The following ZDHHC11 variants were observed in gnomAD, a reference collection of about 807,000 sequenced individuals.
ZDHHC11 encodes the protein zDHHC palmitoyltransferase 11, also known as palmitoyltransferase ZDHHC11.
Under a neutral mutation model 51.3 loss-of-function variants are expected in ZDHHC11, and 44 were observed. The ratio of observed to expected loss-of-function variants is 0.86; its 90% confidence interval spans 0.67 to 1.10. The LOEUF is 1.10. Ranked by LOEUF, ZDHHC11 falls within the 50% of genes least tolerant of loss-of-function variation. ZDHHC11 has a pLI of 0.00. For synonymous variants in ZDHHC11, 163 were observed against 222.0 expected (o/e 0.73, Z 2.36); for missense variants, 400 against 537.7 (o/e 0.74, Z 2.53).
At chr5:860,148 G>C (rs1748716076), upstream of ZDHHC11, among the ~76,000 whole-genome samples, 1 of 152,210 alleles carries the variant, frequency 6.6e-6, no homozygotes. This position sits in a 1 kb window ranked among gnomAD's most constrained non-coding sequence, Gnocchi z 4.2. Flanking sequence ...AGCTGGGCTG[G>C]GGCGGGTGCC....
rs1254899872 is a variant in ZDHHC11 at position 808,852 on chromosome 5, T to C, written c.1181+5909A>G. ...AGCTGGGAGTACAGGTGCCTGCCAC[T>C]ACGCCTGGCTAATCCTTTTGTATTT... On this transcript the variant is annotated intron_variant, in intron 11 of 12. Coordinates refer to ENST00000283441, the MANE Select transcript of ZDHHC11 (RefSeq NM_024786.3). Among the ~76,000 whole-genome samples the C allele has an allele frequency of 4.7e-3, 688 of 146,226 alleles. 5 individuals are homozygous for C. Among genetic ancestry groups the C allele is most frequent in the African/African-American group, 0.016 (650 of 40,278 alleles).
At chr5:799,979 T>C (rs550798044) in intron 12 of ZDHHC11, among the ~76,000 whole-genome samples, 1 of 151,456 alleles carries the variant, frequency 6.6e-6, no homozygotes, top group African/African-American at 2.4e-5. Context: ...CTTTTTTTTC[T>C]AGAGAACAAT....
intron 7 of ZDHHC11, among the ~76,000 whole-genome samples, chr5:825,498 C>G (rs1242419623): frequency 2.2e-4 from 34 of 152,142 alleles, no homozygotes; most frequent in African/African-American, 7.5e-4. Flanking sequence ...AAAGCAGTCC[C>G]TCCACCCACC....
rs1057005 is a variant in ZDHHC11 at position 795,877 on chromosome 5, C to T, written c.*711G>A. On this transcript the variant is annotated 3_prime_UTR_variant, in exon 13 of 13. Coordinates refer to ENST00000283441, the MANE Select transcript of ZDHHC11 (RefSeq NM_024786.3). The stretch of plus-strand genomic sequence containing the variant: ...CCATTTCCGAGTACTGTGAACTCCC[C>T]TTTCCCAGTACTGTGGGCTCCCATT... 2 of 81,662 alleles carry T rather than the reference C, an allele frequency of 2.4e-5. No individual in the cohort carries two copies. Among genetic ancestry groups the T allele is most frequent in the Non-Finnish European group, 5.7e-5 (2 of 35,008 alleles). The allele number at this position is 81,662 out of a possible 1,614,324, so 5.1% of individuals were successfully genotyped here. A position where few individuals can be genotyped will look rare whatever the true frequency, so the allele number is the denominator to read the frequency against.
In ZDHHC11 at chr5:843,639, C is replaced by T. The variant is rs371035335; in HGVS notation, c.589G>A (p.Val197Met). Reference sequence around the variant, plus strand: ...TCCGTGCGGAGCACCCCGGGGTTCACGAGGTACTGGACGAGGACATACAGC... The same window carrying T: ...TCCGTGCGGAGCACCCCGGGGTTCATGAGGTACTGGACGAGGACATACAGC... ...ILLYVLVQYL[V>M]NPGVLRTDPR... The change falls in exon 4 of 13, where the codon GTG becomes ATG. Residue 197 changes from valine to methionine, a missense_variant. Around this residue, in one of 5 missense-constraint regions of ZDHHC11, gnomAD observed 26 missense variants for 47.1 expected, o/e 0.55. Coordinates refer to ENST00000283441, the MANE Select transcript of ZDHHC11 (RefSeq NM_024786.3). The T allele has an allele frequency of 5.1e-5, 82 of 1,607,780 alleles. 1 individual carries two copies. The highest frequency in any genetic ancestry group is 2.7e-4 in the Admixed American group (16 of 59,810).
In ZDHHC11 at chr5:807,074, A is replaced by T. The variant is rs561267920; in HGVS notation, c.1182-5910T>A. Among the ~76,000 whole-genome samples the T allele has an allele frequency of 4.9e-3, 732 of 150,864 alleles. 1 individual carries two copies. Among genetic ancestry groups the T allele is most frequent in the African/African-American group, 0.017 (696 of 41,022 alleles). On this transcript the variant is annotated intron_variant, in intron 11 of 12. Coordinates refer to ENST00000283441, the MANE Select transcript of ZDHHC11 (RefSeq NM_024786.3). ...TAGCAAAAAACTGGAAGCCATCTCC[A>T]TGCCCAACCATAGCAGAGGGGGTAA...
rs963461836 is a variant in ZDHHC11 at position 858,545 on chromosome 5, G to A, written c.-1+329C>T. Among the ~76,000 whole-genome samples, 5 of 152,170 alleles carry A rather than the reference G, an allele frequency of 3.3e-5. 1 individual carries two copies. In the South Asian group the frequency reaches 8.3e-4, roughly 25 times the overall value. On this transcript the variant is annotated intron_variant, in intron 1 of 3. Transcript: ENST00000685990. ...TGTGGTCCCTGAGTCTGTCCTCACC[G>A]TCCCTGCCCTTATGACACTCTGGCA...
chr5:806,913 G>A (rs1739342495), intron 11 of ZDHHC11, among the ~76,000 whole-genome samples: 1 of 151,062 alleles, frequency 6.6e-6, no homozygotes, highest in Non-Finnish European at 1.5e-5. Context: ...TGTAACATGT[G>A]CAACACCTTT....
At chr5:803,800 G>C (rs529697043) in intron 11 of ZDHHC11, among the ~76,000 whole-genome samples, 1 of 150,564 alleles carries the variant, frequency 6.6e-6, no homozygotes. Context: ...AGTAGAGATA[G>C]AAATTATATA....
At chr5:841,975 C>T in intron 4 of ZDHHC11, 6 of 989,162 alleles carry the variant, frequency 6.1e-6, no homozygotes, top group Non-Finnish European at 7.2e-6. Flanking sequence ...TGTGCCTGGG[C>T]CGGGCTGGAC....
rs560719622 is a variant in ZDHHC11 at position 819,212 on chromosome 5, C to G, written c.1146+313G>C. ...TCCTTTATCACGGCACTGTCCCTCACTGCATGTTCTGGGCACTTCAGAGCC... is the reference window on the plus strand; with the variant it reads ...TCCTTTATCACGGCACTGTCCCTCAGTGCATGTTCTGGGCACTTCAGAGCC... On this transcript the variant is annotated intron_variant, in intron 10 of 12. Transcript: ENST00000283441. Among the ~76,000 whole-genome samples, 628 of 151,522 alleles carry G rather than the reference C, an allele frequency of 4.1e-3. 9 individuals carry two copies. Among genetic ancestry groups the G allele is most frequent in the African/African-American group, 0.015 (606 of 41,168 alleles).
intron 3 of ZDHHC11, 76 bp downstream of exon 3, chr5:847,413 ACCCTCCACCCTTTCAACACGATGAC>A (rs1746425446): frequency 6.5e-7 from 1 of 1,531,020 alleles, no homozygotes; most frequent in African/African-American, 1.5e-5. Flanking sequence ...CCCCAAGAGG[ACCCTCCACCCTTTCAACACGATGAC>A]CCCTGCCCAC....
chr5:849,092 G>A lies in ZDHHC11; in HGVS notation c.223-432C>T, dbSNP rs148066652. Among the ~76,000 whole-genome samples the A allele has an allele frequency of 7.6e-3, 1,147 of 151,286 alleles. 17 individuals are homozygous for A. Among genetic ancestry groups the A allele is most frequent in the African/African-American group, 0.026 (1,075 of 41,218 alleles). On this transcript the variant is annotated intron_variant, in intron 1 of 12. Coordinates refer to ENST00000283441, the MANE Select transcript of ZDHHC11 (RefSeq NM_024786.3). Reference sequence around the variant, plus strand: ...CAGCCCTGCTCACCCAGATCTAGAGGAGATGAGTCCACCCGTCGGCCCTGC... The same window carrying A: ...CAGCCCTGCTCACCCAGATCTAGAGAAGATGAGTCCACCCGTCGGCCCTGC...
At chr5:829,036 TC>T (rs533420336) in intron 7 of ZDHHC11, among the ~76,000 whole-genome samples, 259 of 130,980 alleles carry the variant, frequency 2.0e-3, no homozygotes, top group Middle Eastern at 3.6e-3. Context: ...AATGGCCACA[TC>T]AAAAAGACTG....
At chr5:837,216 C>G (rs1743997006) in intron 6 of ZDHHC11, 149 bp downstream of exon 6, 1 of 858,512 alleles carries the variant, frequency 1.2e-6, no homozygotes. Context: ...CACCCATGCA[C>G]AGAGCCTCAC....
intron 12 of ZDHHC11, among the ~76,000 whole-genome samples, chr5:798,478 G>A (rs1737918801): frequency 6.6e-6 from 1 of 150,998 alleles, no homozygotes; most frequent in East Asian, 2.0e-4. Context: ...TAAGTGACTT[G>A]CCACATGACT....
chr5:850,027 G>C (rs903066244), intron 1 of ZDHHC11, among the ~76,000 whole-genome samples: 2 of 152,250 alleles, frequency 1.3e-5, no homozygotes, highest in African/African-American at 4.8e-5. Flanking sequence ...GTTCCTCCTT[G>C]GCACCAGGGG....
In ZDHHC11 at chr5:846,903, T is replaced by TG. The variant is rs1561299638; in HGVS notation, c.503+610_503+611insC. 1.4e-4 allele frequency among the ~76,000 whole-genome samples: 7 copies of TG among 49,210 alleles called. No individual in the cohort carries two copies. The African/African-American group carries it at 1.7e-3, about 12-fold the overall frequency. The allele number at this position is 49,210 out of a possible 152,430, so 32.3% of individuals were successfully genotyped here. A position where few individuals can be genotyped will look rare whatever the true frequency, so the allele number is the denominator to read the frequency against. On this transcript the variant is annotated intron_variant, in intron 3 of 12. Transcript: ENST00000283441. ...TCCTCAGTGGAAACACCTCTCATCC[T>TG]TGCGCCTCCACCGTGCTCAGGGGAA...
rs200154117 is a variant in ZDHHC11 at position 797,847 on chromosome 5, T to C, written c.*8-1267A>G. On this transcript the variant is annotated intron_variant, in intron 12 of 12. Coordinates refer to ENST00000283441, the MANE Select transcript of ZDHHC11 (RefSeq NM_024786.3). ...GCTTCTTTGCTTTGTAGTTTTATTT[T>C]TGAGAAATCTTTGAGGCTTAGGATG... 3.6e-5 allele frequency among the ~76,000 whole-genome samples: 5 copies of C among 138,650 alleles called. No homozygotes were observed. In the East Asian group the frequency reaches 8.3e-4, roughly 23 times the overall value. The allele number at this position is 138,650 out of a possible 152,430, so 91.0% of individuals were successfully genotyped here. A position where few individuals can be genotyped will look rare whatever the true frequency, so the allele number is the denominator to read the frequency against.
Sources: gnomAD v4.1 joint callset for allele counts (sites outside exome capture counted in the v4.1 genomes callset) on GRCh38, gnomAD v4.1.1 for gene constraint, gnomAD v4.1.1 regional missense constraint, Gnocchi (gnomAD v3.1) non-coding constraint, MANE v1.5 for transcripts, NCBI Gene and HGNC (gene_info 2026-07-23, HGNC 2026-07-21) for gene names.